GNA13: variants seen among roughly 807,000 people sequenced by gnomAD.
GNA13 encodes guanine nucleotide-binding protein subunit alpha-13.
In GNA13, 4 loss-of-function variants were observed where a neutral mutation model predicts 33.5. That is an observed-to-expected ratio of 0.12 (90% CI 0.06 to 0.27). GNA13 has a LOEUF of 0.27. Ranked by LOEUF, GNA13 falls within the 10% of genes least tolerant of loss-of-function variation. GNA13 has a pLI of 1.00. For missense variants in GNA13, 319 were observed against 487.2 expected (o/e 0.65, Z 3.25); for synonymous variants, 176 against 183.8 (o/e 0.96, Z 0.34).
intron 2 of GNA13, among the ~76,000 whole-genome samples, chr17:65,020,917 C>G (rs2143777393): frequency 6.6e-6 from 1 of 152,188 alleles, no homozygotes; most frequent in South Asian, 2.1e-4. Context: ...TCCCAAAGTG[C>G]TGGGATTATA....
intron 3 of GNA13, among the ~76,000 whole-genome samples, chr17:65,015,662 TAAAAAAAAA>T (rs59210481): frequency 1.3e-5 from 1 of 74,702 alleles, no homozygotes; most frequent in Non-Finnish European, 2.3e-5. Flanking sequence ...GACTTTGTCT[TAAAAAAAAA>T]AAAAAAAAAA....
At chr17:65,025,684 G>A (rs1906752689) in intron 2 of GNA13, among the ~76,000 whole-genome samples, 1 of 151,998 alleles carries the variant, frequency 6.6e-6, no homozygotes, top group South Asian at 2.1e-4. Flanking sequence ...ATGCTTAATA[G>A]GCAGCACTCC....
chr17:65,031,921 A>AGAGAGAGAGAGTGT (rs770161529), intron 2 of GNA13, among the ~76,000 whole-genome samples: 3 of 91,620 alleles, frequency 3.3e-5, no homozygotes, highest in African/African-American at 9.8e-5. Context: ...AGAGAGAGAG[A>AGAGAGAGAGAGTGT]GTGTGTGTGT....
At chr17:65,018,416 A>T in intron 2 of GNA13, 113 bp from the exon 3 acceptor site, 1 of 697,568 alleles carries the variant, frequency 1.4e-6, no homozygotes. Flanking sequence ...GACTTTGTTT[A>T]GTCACCAATT....
rs1567815738 is a variant in GNA13 at position 65,014,030 on chromosome 17, T to C, written c.*227A>G. ...TTTAACTGGACTTGAATAGAAGCCA[T>C]GGTGAAACAGATCAAAGCCTGCATT... On this transcript the variant is annotated 3_prime_UTR_variant, in exon 4 of 4. Coordinates refer to ENST00000439174, the MANE Select transcript of GNA13 (RefSeq NM_006572.6). The surrounding 1 kb of genome is among the most constrained non-coding windows in gnomAD (Gnocchi z 5.3). 2 of 508,368 alleles carry C rather than the reference T, an allele frequency of 3.9e-6. No homozygotes were observed. Among genetic ancestry groups the C allele is most frequent in the Non-Finnish European group, 7.0e-6 (2 of 285,802 alleles). 31.5% of individuals were successfully genotyped at this position (508,368 alleles called of 1,614,324 possible).
chr17:65,046,739 G>A (rs1251361398), intron 2 of GNA13, among the ~76,000 whole-genome samples: 2 of 152,182 alleles, frequency 1.3e-5, no homozygotes, highest in African/African-American at 4.8e-5. Context: ...TAGGTAAAGA[G>A]TTCTGAAACT....
At chr17:65,031,896 A>AAAG in intron 2 of GNA13, among the ~76,000 whole-genome samples, 1 of 71,334 alleles carries the variant, frequency 1.4e-5, no homozygotes, top group Non-Finnish European at 3.0e-5. Flanking sequence ...GAGAGAGAGA[A>AAAG]AGAGAGAGAG....
intron 2 of GNA13, among the ~76,000 whole-genome samples, chr17:65,042,678 A>G (rs1907504204): frequency 6.6e-6 from 1 of 151,844 alleles, no homozygotes; most frequent in Non-Finnish European, 1.5e-5. Flanking sequence ...GGGAGGCTGC[A>G]GTGAGCCAAG....
At position 65,010,550 on chromosome 17, in the gene GNA13, A is replaced by G. The variant is rs998726623; in HGVS notation, c.*3707T>C. 6.6e-6 allele frequency among the ~76,000 whole-genome samples: 1 copy of G among 152,216 alleles called. No individual in the cohort carries two copies. The highest frequency in any genetic ancestry group is 1.5e-5 in the Non-Finnish European group (1 of 68,038). On this transcript the variant is annotated 3_prime_UTR_variant, in exon 4 of 4. Coordinates refer to ENST00000439174, the MANE Select transcript of GNA13 (RefSeq NM_006572.6). ...AGTGCTTTTAGTCAAGCAGCACAAC[A>G]CAAGGACAGATCATCTGTGATTAAC...
intron 2 of GNA13, among the ~76,000 whole-genome samples, chr17:65,045,814 T>C (rs1238489374): frequency 6.6e-6 from 1 of 152,234 alleles, no homozygotes; most frequent in Non-Finnish European, 1.5e-5. Flanking sequence ...AAACCTTACA[T>C]GCACTTAAAA....
In GNA13 at chr17:65,011,760, T is replaced by C. The variant is rs1427910660; in HGVS notation, c.*2497A>G. 1 of 228,436 alleles carries C rather than the reference T, an allele frequency of 4.4e-6. No individual in the cohort carries two copies. The highest frequency in any genetic ancestry group is 8.7e-6 in the Non-Finnish European group (1 of 115,086). 14.2% of individuals were successfully genotyped at this position (228,436 alleles called of 1,614,324 possible). ...CAAAGAACTTTAAATCTAAATTACTTTTTTAGAGACTGGGGTAAGTTTGCA... is the reference window on the plus strand; with the variant it reads ...CAAAGAACTTTAAATCTAAATTACTCTTTTAGAGACTGGGGTAAGTTTGCA... On this transcript the variant is annotated 3_prime_UTR_variant, in exon 4 of 4. Transcript: ENST00000439174.
intron 2 of GNA13, among the ~76,000 whole-genome samples, chr17:65,024,772 AG>A (rs1314046576): frequency 6.6e-6 from 1 of 152,242 alleles, no homozygotes; most frequent in Non-Finnish European, 1.5e-5. Flanking sequence ...ACTCAAAACT[AG>A]ATTTCGTATT....
At chr17:65,033,010 C>G (rs775517092) in intron 2 of GNA13, among the ~76,000 whole-genome samples, 2 of 151,776 alleles carry the variant, frequency 1.3e-5, no homozygotes, top group Non-Finnish European at 2.9e-5. Flanking sequence ...ACTCAGGAGG[C>G]TGAGGCAGGA....
At chr17:65,042,013 T>C (rs1011670754) in intron 2 of GNA13, among the ~76,000 whole-genome samples, 6 of 152,180 alleles carry the variant, frequency 3.9e-5, no homozygotes, top group South Asian at 4.1e-4. Context: ...CATAAAAATA[T>C]AGACCCATTG....
chr17:65,040,739 C>T (rs562795086), intron 2 of GNA13, among the ~76,000 whole-genome samples: 1 of 152,302 alleles, frequency 6.6e-6, no homozygotes, highest in Admixed American at 6.5e-5. Context: ...GATCTGCCTG[C>T]CTTGGACTCC....
At chr17:65,048,448 T>G (rs1400476863) in intron 2 of GNA13, among the ~76,000 whole-genome samples, 1 of 152,212 alleles carries the variant, frequency 6.6e-6, no homozygotes, top group Non-Finnish European at 1.5e-5. Flanking sequence ...AGTAGAGTAT[T>G]TCAAATATTT....
At chr17:65,028,317 G>A (rs1906875848) in intron 2 of GNA13, among the ~76,000 whole-genome samples, 1 of 151,456 alleles carries the variant, frequency 6.6e-6, no homozygotes. Context: ...GTTGAGGCAG[G>A]AGAACTGCTT....
At chr17:65,045,807 C>T (rs1039080726) in intron 2 of GNA13, among the ~76,000 whole-genome samples, 1 of 152,142 alleles carries the variant, frequency 6.6e-6, no homozygotes, top group South Asian at 2.1e-4. Context: ...TTAAATAAAA[C>T]CTTACATGCA....
At chr17:65,015,773 A>C (rs529370363) in intron 3 of GNA13, among the ~76,000 whole-genome samples, 10 of 152,138 alleles carry the variant, frequency 6.6e-5, no homozygotes, top group African/African-American at 2.4e-4. Flanking sequence ...CTATTCTAAA[A>C]GTTCTTTTAC....
Sources: allele counts gnomAD v4.1 joint callset (sites outside exome capture counted in the v4.1 genomes callset), GRCh38; gene constraint gnomAD v4.1.1; non-coding constraint Gnocchi (gnomAD v3.1); transcripts MANE v1.5; gene names NCBI Gene and HGNC (gene_info 2026-07-23, HGNC 2026-07-21).